The following MRPL44 variants were observed in gnomAD, a reference collection of about 807,000 sequenced individuals.
MRPL44 encodes mitochondrial ribosomal protein L44.
Under a neutral mutation model 25.9 loss-of-function variants are expected in MRPL44, and 21 were observed. That is an observed-to-expected ratio of 0.81 (90% CI 0.58 to 1.17). MRPL44 has a LOEUF of 1.17. MRPL44 is among the 50% of genes most tolerant of loss of function. The probability of loss-of-function intolerance (pLI) is 0.00; values close to 1 mark genes in which losing one functional copy is unlikely to be tolerated. For synonymous variants in MRPL44, 169 were observed against 151.0 expected, an observed-to-expected ratio of 1.12 and a Z score of -0.87; for missense variants, 410 against 398.9, an observed-to-expected ratio of 1.03 and a Z score of -0.24.
At chr2:223,966,314 T>G (rs1218156544) in intron 3 of MRPL44, among the ~76,000 whole-genome samples, 3 of 152,190 alleles carry the variant, frequency 2.0e-5, no homozygotes, top group Non-Finnish European at 2.9e-5. Context: ...GTTTCTGGTT[T>G]CTTATTTGTG....
rs934148606 is a variant in MRPL44 at position 223,963,827 on chromosome 2, A to C, written c.720A>C (p.Leu240=). Reference sequence around the variant, plus strand: ...GGAAGATAATAAATCCCATGGGGCTATTGGTAGAAGAACTGAAGAAAAGGA... The same window carrying C: ...GGAAGATAATAAATCCCATGGGGCTCTTGGTAGAAGAACTGAAGAAAAGGA... The part of the protein sequence containing the change: ...EMWKIINPMG[L]LVEELKKRNV... The change falls in exon 3 of 4, where the codon CTA becomes CTC. Residue 240 remains leucine (L), a synonymous_variant. Transcript: ENST00000258383. 3 of 1,613,878 alleles carry C rather than the reference A, an allele frequency of 1.9e-6. No individual in the cohort carries two copies. The African/African-American group carries it at 4.0e-5, about 22-fold the overall frequency.
At chr2:223,957,682 GT>G (rs769836108) in intron 1 of MRPL44, 31 bp downstream of exon 1, 9 of 1,584,744 alleles carry the variant, frequency 5.7e-6, no homozygotes, top group Non-Finnish European at 7.7e-6. Flanking sequence ...AGGTCTCAGG[GT>G]GGCGGTCGCA....
At chr2:223,964,165 T>C (rs1026295471) in intron 3 of MRPL44, among the ~76,000 whole-genome samples, 5 of 152,252 alleles carry the variant, frequency 3.3e-5, no homozygotes, top group Non-Finnish European at 2.9e-5. Context: ...AATCTGAGTT[T>C]TGCTAATAGC....
upstream of MRPL44, among the ~76,000 whole-genome samples, chr2:223,955,589 T>C (rs1433139379): frequency 6.6e-6 from 1 of 152,172 alleles, no homozygotes; most frequent in Non-Finnish European, 1.5e-5. Context: ...ACACAAAAGG[T>C]TGTGTTCCCC....
chr2:223,965,044 TA>T (rs549543810), intron 3 of MRPL44, among the ~76,000 whole-genome samples: 109 of 147,322 alleles, frequency 7.4e-4, no homozygotes, highest in Middle Eastern at 3.5e-3. Context: ...ATCTTTTATC[TA>T]AAAAAAAAAA....
At position 223,963,790 on chromosome 2, in the gene MRPL44, T is replaced by C; in HGVS notation, c.683T>C (p.Leu228Pro). 1 of 1,610,976 alleles carries C rather than the reference T, an allele frequency of 6.2e-7. No homozygotes were observed. Among genetic ancestry groups the C allele is most frequent in the Non-Finnish European group, 8.5e-7 (1 of 1,178,790 alleles). Reference protein sequence around the residue: ...FLITQMTGKELFEMWKIINPM... With the variant: ...FLITQMTGKEPFEMWKIINPM... ...ATTACTCAAATGACTGGAAAAGAGC[T>C]CTTTGAGATGTGGAAGATAATAAAT... The change falls in exon 3 of 4, where the codon CTC becomes CCC. Residue 228 changes from leucine to proline, a missense_variant. Physicochemically the swap from Leu to Pro is moderately conservative, Grantham distance 98. Transcript: ENST00000258383.
upstream of MRPL44, among the ~76,000 whole-genome samples, chr2:223,955,207 A>T (rs1454121334): frequency 6.6e-6 from 1 of 152,208 alleles, no homozygotes; most frequent in Non-Finnish European, 1.5e-5. Flanking sequence ...CAAATTTTCC[A>T]TCAAGTCAAA....
chr2:223,958,489 C>T (rs1689606156), intron 1 of MRPL44, among the ~76,000 whole-genome samples: 1 of 152,166 alleles, frequency 6.6e-6, no homozygotes, highest in Non-Finnish European at 1.5e-5. Context: ...TTCTTAATTC[C>T]CATTCCCTTG....
chr2:223,955,259 C>T (rs540330610), upstream of MRPL44, among the ~76,000 whole-genome samples: 49 of 152,282 alleles, frequency 3.2e-4, no homozygotes, highest in Admixed American at 1.6e-3. Flanking sequence ...TTGGTGAAGA[C>T]TGATTCTATA....
upstream of MRPL44, chr2:223,957,304 C>A: frequency 4.0e-6 from 3 of 754,752 alleles, no homozygotes; most frequent in South Asian, 5.2e-5. Flanking sequence ...GCAATCACCC[C>A]GCCCCGGGGC....
chr2:223,962,491 T>G (rs1689678715), intron 2 of MRPL44, among the ~76,000 whole-genome samples: 1 of 152,216 alleles, frequency 6.6e-6, no homozygotes, highest in African/African-American at 2.4e-5. Flanking sequence ...TACTAATGTT[T>G]GTTAATACAA....
At chr2:223,960,327 A>T (rs1201836050) in intron 2 of MRPL44, among the ~76,000 whole-genome samples, 1 of 152,194 alleles carries the variant, frequency 6.6e-6, no homozygotes, top group Non-Finnish European at 1.5e-5. Context: ...AAGTCAAAGG[A>T]CACTATGCAG....
chr2:223,961,336 T>G (rs1258913436), intron 2 of MRPL44, among the ~76,000 whole-genome samples: 1 of 152,220 alleles, frequency 6.6e-6, no homozygotes, highest in African/African-American at 2.4e-5. Context: ...ACAGTTAATT[T>G]TTTTGTGGCT....
At chr2:223,958,170 C>T (rs1689600898) in intron 1 of MRPL44, among the ~76,000 whole-genome samples, 1 of 152,318 alleles carries the variant, frequency 6.6e-6, no homozygotes, top group South Asian at 2.1e-4. Flanking sequence ...CCAGATCATA[C>T]TTTACATAAT....
At chr2:223,957,331 C>A, upstream of MRPL44, 1 of 1,063,254 alleles carries the variant, frequency 9.4e-7, no homozygotes, top group Non-Finnish European at 1.4e-6. Context: ...CGCCCCTGCC[C>A]TCTCTCAGTC....
chr2:223,953,184 G>A (rs1175999314), upstream of MRPL44, among the ~76,000 whole-genome samples: 1 of 147,012 alleles, frequency 6.8e-6, no homozygotes, highest in South Asian at 2.1e-4. Flanking sequence ...ACCCAGGCTC[G>A]AGTGCAGTGG....
At position 223,960,012 on chromosome 2, in the gene MRPL44, TATTA is replaced by T. The variant is rs1279750355; in HGVS notation, c.648+14_648+17del. 2 of 1,571,248 alleles carry T rather than the reference TATTA, an allele frequency of 1.3e-6. No individual in the cohort carries two copies. Among genetic ancestry groups the T allele is most frequent in the South Asian group, 2.3e-5 (2 of 87,318 alleles). On this transcript the variant is annotated intron_variant, in intron 2 of 3. Transcript: ENST00000258383. ...TGCACTTTTCATCAGGGTACGTAAC[TATTA>T]ATTGGACATGCTTGAGATAGACAGA...
the MRPL44 span, among the ~76,000 whole-genome samples, chr2:223,951,955 C>T: frequency 3.6e-3 from 545 of 152,292 alleles, 1 homozygote; most frequent in Non-Finnish European, 6.3e-3. Flanking sequence ...TTACCTTTAA[C>T]ATTTGGATGA....
At chr2:223,960,170 T>C (rs1163139562) in intron 2 of MRPL44, among the ~76,000 whole-genome samples, 168 bp downstream of exon 2, 1 of 152,194 alleles carries the variant, frequency 6.6e-6, no homozygotes, top group Non-Finnish European at 1.5e-5. Flanking sequence ...AGTTGTCTCT[T>C]ATTATGGATA....
Sources: allele counts gnomAD v4.1 joint callset (sites outside exome capture counted in the v4.1 genomes callset), GRCh38; gene constraint gnomAD v4.1.1; transcripts MANE v1.5; gene names NCBI Gene and HGNC (gene_info 2026-07-23, HGNC 2026-07-21).